Variants in TRAPPC8 observed in about 807,000 individuals in gnomAD.
The protein encoded by TRAPPC8 is trafficking protein particle complex subunit 8, also known as general sporulation gene 1 homolog.
Under a neutral mutation model 174.3 loss-of-function variants are expected in TRAPPC8, and 54 were observed. The ratio of observed to expected loss-of-function variants is 0.31; its 90% confidence interval spans 0.25 to 0.39. The LOEUF (loss-of-function observed/expected upper bound fraction) is 0.39, where lower values mean the gene tolerates loss of function less well. Ranked by LOEUF, TRAPPC8 falls within the 10% of genes least tolerant of loss-of-function variation. TRAPPC8 has a pLI of 1.00. For synonymous variants in TRAPPC8, 630 were observed against 579.9 expected (o/e 1.09, Z -1.24); for missense variants, 1,531 against 1,699.1 (o/e 0.90, Z 1.74).
chr18:31,861,658 T>C (rs550457333), intron 19 of TRAPPC8, among the ~76,000 whole-genome samples: 1 of 152,256 alleles, frequency 6.6e-6, no homozygotes, highest in South Asian at 2.1e-4. Context: ...TCATAGGTGC[T>C]GGGCACGGTT....
At chr18:31,917,312 T>C (rs896889759) in intron 3 of TRAPPC8, among the ~76,000 whole-genome samples, 1 of 151,990 alleles carries the variant, frequency 6.6e-6, no homozygotes, top group Non-Finnish European at 1.5e-5. Context: ...GCATGAAATA[T>C]TCAAGCTAGG....
chr18:31,874,316 T>G (rs1168709880), intron 13 of TRAPPC8, 164 bp downstream of exon 13: 2 of 640,924 alleles, frequency 3.1e-6, no homozygotes, highest in Non-Finnish European at 2.6e-6. Context: ...GAAGGGGCAA[T>G]GTAACCAAGA....
Position 31,870,935 on chromosome 18 carries a change from C to T in TRAPPC8, c.2248G>A (p.Val750Ile). The change falls in exon 15 of 29, where the codon GTT becomes ATT. Residue 750 changes from valine to isoleucine, a missense_variant. By Grantham distance (29) the Val-to-Ile change is conservative. Transcript: ENST00000283351. Reference protein sequence around the residue: ...YSDNSRFPLAVVEEPITVEVA... With the variant: ...YSDNSRFPLAIVEEPITVEVA... The stretch of plus-strand genomic sequence containing the variant: ...AATTCAAGTATATCACCTTCTACAA[C>T]TGCAAGTGGAAATCTTGAATTATCT... 6.4e-7 allele frequency: 1 copy of T among 1,565,090 alleles called. No individual in the cohort carries two copies. The highest frequency in any genetic ancestry group is 8.7e-7 in the Non-Finnish European group (1 of 1,150,814).
At chr18:31,846,391 T>C (rs1036086254) in intron 26 of TRAPPC8, among the ~76,000 whole-genome samples, 3 of 151,880 alleles carry the variant, frequency 2.0e-5, no homozygotes, top group African/African-American at 7.3e-5. Flanking sequence ...CTGGGCAACA[T>C]GGTGAAACTC....
At chr18:31,913,287 T>C in intron 5 of TRAPPC8, 82 bp downstream of exon 5, 1 of 1,399,682 alleles carries the variant, frequency 7.1e-7, no homozygotes, top group East Asian at 2.4e-5. Flanking sequence ...ACAATTAATA[T>C]GAATAATTAT....
chr18:31,855,978 ATTCT>A (rs1392022537), intron 20 of TRAPPC8, among the ~76,000 whole-genome samples, 171 bp from the exon 21 acceptor site: 1 of 152,206 alleles, frequency 6.6e-6, no homozygotes, highest in Non-Finnish European at 1.5e-5. Flanking sequence ...CTTCAGTTCA[ATTCT>A]TTCTATCCAA....
At chr18:31,874,250 A>T (rs1432449124) in intron 13 of TRAPPC8, 1 of 495,066 alleles carries the variant, frequency 2.0e-6, no homozygotes, top group Non-Finnish European at 3.5e-6. Flanking sequence ...GATTCTAAGA[A>T]CAGCCACAAA....
At chr18:31,941,470 A>C (rs2038340415) in intron 1 of TRAPPC8, among the ~76,000 whole-genome samples, 1 of 152,146 alleles carries the variant, frequency 6.6e-6, no homozygotes, top group East Asian at 1.9e-4. Context: ...TAAATAACAA[A>C]AAAATAAAAA....
chr18:31,831,668 T>C (rs1054569654), intron 28 of TRAPPC8, among the ~76,000 whole-genome samples: 12 of 152,132 alleles, frequency 7.9e-5, no homozygotes, highest in Non-Finnish European at 1.6e-4. Flanking sequence ...CCCAATAAAG[T>C]ATTAATAAAT....
At chr18:31,892,867 A>C (rs936179443) in intron 11 of TRAPPC8, among the ~76,000 whole-genome samples, 2 of 152,098 alleles carry the variant, frequency 1.3e-5, no homozygotes, top group African/African-American at 4.8e-5. Flanking sequence ...CTCTACAAAA[A>C]TTAGCTGGGC....
At chr18:31,833,306 A>C (rs1237908161) in intron 27 of TRAPPC8, 2 of 152,224 alleles carry the variant, frequency 1.3e-5, no homozygotes, top group African/African-American at 4.8e-5. Flanking sequence ...AGAAGAAGAA[A>C]TGTGAACATG....
chr18:31,865,466 A>G (rs1168936819), intron 18 of TRAPPC8, among the ~76,000 whole-genome samples: 1 of 152,018 alleles, frequency 6.6e-6, no homozygotes, highest in Non-Finnish European at 1.5e-5. Flanking sequence ...TATAAAATGT[A>G]TTGATTCCCA....
rs1305180681 is a variant in TRAPPC8, at chr18:31,919,532, CAAAATAAATAAATAAATAAATAAA to C, written c.353-1889_353-1866del. ...TGGGCAATAGAGTGAGACTCAGTCT[CAAAATAAATAAATAAATAAATAAA>C]TAAATAAATAAATAAATAAATAAAT... On this transcript the variant is annotated intron_variant, in intron 2 of 28. Transcript: ENST00000283351. Among the ~76,000 whole-genome samples, 744 of 119,180 alleles carry C rather than the reference CAAAATAAATAAATAAATAAATAAA, an allele frequency of 6.2e-3. 8 individuals are homozygous for C. The highest frequency in any genetic ancestry group is 0.023 in the African/African-American group (704 of 30,724). The allele number at this position is 119,180 out of a possible 152,430, so 78.2% of individuals were successfully genotyped here. A position where few individuals can be genotyped will look rare whatever the true frequency, so the allele number is the denominator to read the frequency against.
chr18:31,839,389 T>G lies in TRAPPC8; in HGVS notation c.3906A>C (p.Ser1302=). ...PENITVSSRP[S]VEQLSSLIKT... ...TAATGAGACTAGAAAGCTGCTCTAC[T>G]GATGGCCTTGAGGAAACTGTAATGT... The change falls in exon 27 of 29, where the codon TCA becomes TCC. Residue 1302 remains serine (S), a synonymous_variant. Coordinates refer to ENST00000283351, the MANE Select transcript of TRAPPC8 (RefSeq NM_014939.5). 6.2e-7 allele frequency: 1 copy of G among 1,612,704 alleles called. No homozygotes were observed. The highest frequency in any genetic ancestry group is 1.1e-5 in the South Asian group (1 of 90,702).
At chr18:31,916,846 C>CAAAAAAA (rs5823825) in intron 3 of TRAPPC8, among the ~76,000 whole-genome samples, 2 of 126,906 alleles carry the variant, frequency 1.6e-5, no homozygotes, top group Admixed American at 8.4e-5. Context: ...ATTTTCACAG[C>CAAAAAAA]AAAAAAAAAA....
At chr18:31,927,902 C>T (rs1369791118) in intron 2 of TRAPPC8, among the ~76,000 whole-genome samples, 1 of 152,132 alleles carries the variant, frequency 6.6e-6, no homozygotes, top group African/African-American at 2.4e-5. Context: ...TGCTTGTAAT[C>T]CCAGCACTCT....
chr18:31,942,191 A>C (rs910999845), intron 1 of TRAPPC8, among the ~76,000 whole-genome samples: 1 of 152,248 alleles, frequency 6.6e-6, no homozygotes. Context: ...GTCCAGTTTA[A>C]CATCCAAGGG....
Position 31,830,814 on chromosome 18 carries a change from C to G in TRAPPC8, c.4249G>C (p.Val1417Leu), listed in dbSNP as rs200628165. ...VFAKLSDQVT[V>L]FETSQQNSMP... ...GAATTCTGCTGACTTGTTTCAAACA[C>G]TGTAACTTGGTCCGATAACTTGGCA... Residue 1417 changes from valine to leucine, a missense_variant, in exon 29 of 29, where the codon GTG becomes CTG. Val to Leu is a conservative substitution (Grantham distance 32, BLOSUM62 1). Transcript: ENST00000283351. The G allele has an allele frequency of 4.2e-5, 67 of 1,614,194 alleles. 1 individual carries two copies. In the Admixed American group the frequency reaches 1.1e-3, roughly 26 times the overall value.
At chr18:31,850,304 C>G (rs1259986953) in intron 24 of TRAPPC8, among the ~76,000 whole-genome samples, 1 of 152,056 alleles carries the variant, frequency 6.6e-6, no homozygotes, top group Non-Finnish European at 1.5e-5. Context: ...AACTACGCTC[C>G]CATAACATTA....
Sources: allele counts gnomAD v4.1 joint callset (sites outside exome capture counted in the v4.1 genomes callset), GRCh38; gene constraint gnomAD v4.1.1; transcripts MANE v1.5; gene names NCBI Gene and HGNC (gene_info 2026-07-23, HGNC 2026-07-21).